ATP13A2: variants seen among roughly 807,000 people sequenced by gnomAD.
ATP13A2 encodes the protein polyamine-transporting ATPase 13A2.
Under a neutral mutation model 138.3 loss-of-function variants are expected in ATP13A2, and 83 were observed. That is an observed-to-expected ratio of 0.60 (90% CI 0.50 to 0.72). The LOEUF is 0.72. Among genes scored for constraint, ATP13A2 ranks in the 30% least tolerant of loss-of-function variants. The pLI is 0.00. For synonymous variants in ATP13A2, 663 were observed against 699.0 expected (o/e 0.95, Z 0.81); for missense variants, 1,402 against 1,606.4 (o/e 0.87, Z 2.17).
intron 8 of ATP13A2, among the ~76,000 whole-genome samples, chr1:17,001,540 G>C (rs898159142): frequency 7.9e-5 from 12 of 152,218 alleles, no homozygotes; most frequent in African/African-American, 2.9e-4. Flanking sequence ...CCCCCGATCA[G>C]AGGGCTGGGA....
chr1:16,996,963 C>T, intron 12 of ATP13A2, 57 bp downstream of exon 12: 1 of 1,580,458 alleles, frequency 6.3e-7, no homozygotes. Flanking sequence ...CTCACTCCAC[C>T]TCTCCCAAGG....
In ATP13A2 at chr1:16,995,564, C is replaced by T. The variant is rs905309998; in HGVS notation, c.1542+412G>A. The T allele has an allele frequency of 2.1e-5, 7 of 333,034 alleles. No individual in the cohort carries two copies. Among genetic ancestry groups the T allele is most frequent in the African/African-American group, 4.3e-5 (2 of 46,316 alleles). 20.6% of individuals were successfully genotyped at this position (333,034 alleles called of 1,614,324 possible). On this transcript the variant is annotated intron_variant, in intron 15 of 28. Transcript: ENST00000326735. The surrounding 1 kb of genome is among the most constrained non-coding windows in gnomAD (Gnocchi z 4.1). ...TGCAACCTCTGCGATTCTCCTGCCT[C>T]AGCCTCCCGAGTAGCTGGGATTACA... is the stretch of plus-strand genomic sequence containing the variant.
intron 6 of ATP13A2, among the ~76,000 whole-genome samples, chr1:17,002,786 G>A (rs2077407758): frequency 6.6e-6 from 1 of 152,116 alleles, no homozygotes; most frequent in Non-Finnish European, 1.5e-5. Context: ...CAAGCCTCGG[G>A]GACTGCTTTG....
intron 8 of ATP13A2, 68 bp from the exon 9 acceptor site, chr1:17,000,602 T>A (rs56228584): frequency 0.033 from 51,818 of 1,575,596 alleles, 989 homozygotes; most frequent in African/African-American, 0.049. Flanking sequence ...AGGCTGGGTC[T>A]CCTGTGCCCA....
At chr1:16,991,608 A>G (rs374321513) in intron 20 of ATP13A2, 126 bp downstream of exon 20, 11 of 1,406,224 alleles carry the variant, frequency 7.8e-6, no homozygotes, top group East Asian at 2.3e-5. Flanking sequence ...GAAATGTTTA[A>G]AAAGGACCTG....
In ATP13A2 at chr1:17,000,429, T is replaced by A. The variant is rs561097876; in HGVS notation, c.811A>T (p.Ile271Phe). The part of the protein sequence containing the change: ...LCIFLISSIS[I>F]CLSLYKTRKQ... ...CTGGTCTTGTACAGCGACAGGCAGATGGAGATGGAGGAAATGAGGAAGATG... is the reference window on the plus strand; with the variant it reads ...CTGGTCTTGTACAGCGACAGGCAGAAGGAGATGGAGGAAATGAGGAAGATG... Residue 271 changes from isoleucine (I) to phenylalanine (F), a missense_variant, in exon 9 of 29, where the codon ATC becomes TTC. Transcript: ENST00000326735. The A allele has an allele frequency of 1.9e-6, 3 of 1,613,644 alleles. No individual in the cohort carries two copies. Among genetic ancestry groups the A allele is most frequent in the Non-Finnish European group, 2.5e-6 (3 of 1,179,852 alleles).
chr1:16,996,211 G>C, intron 14 of ATP13A2, 43 bp downstream of exon 14: 1 of 1,614,110 alleles, frequency 6.2e-7, no homozygotes, highest in South Asian at 1.1e-5. Context: ...GTTGGCCCCT[G>C]GGCCCTGCTG....
intron 23 of ATP13A2, 141 bp from the exon 24 acceptor site, chr1:16,988,615 T>C: frequency 1.4e-6 from 1 of 727,404 alleles, no homozygotes; most frequent in Non-Finnish European, 2.2e-6. Flanking sequence ...TAGATGCAAT[T>C]ATTATTATTA....
At chr1:16,994,461 G>A (rs752793933) in intron 15 of ATP13A2, among the ~76,000 whole-genome samples, 9 of 151,984 alleles carry the variant, frequency 5.9e-5, no homozygotes, top group African/African-American at 4.8e-5. Flanking sequence ...TCGAACTCCC[G>A]ACCTCAGGCA....
At chr1:16,998,468 A>C (rs2077225073) in intron 11 of ATP13A2, among the ~76,000 whole-genome samples, 1 of 152,078 alleles carries the variant, frequency 6.6e-6, no homozygotes, top group South Asian at 2.1e-4. Context: ...TGCCTGCCAA[A>C]GTGTTGGGAT....
intron 25 of ATP13A2, 46 bp downstream of exon 25, chr1:16,988,092 C>T (rs902656860): frequency 4.2e-5 from 65 of 1,563,886 alleles, no homozygotes; most frequent in Non-Finnish European, 5.0e-5. Context: ...GTGTCCCCTC[C>T]CTAGTCCTGG....
At position 16,987,248 on chromosome 1, in the gene ATP13A2, G is replaced by C; in HGVS notation, c.2881C>G (p.Leu961Val). ...LYTINTNLGD[L>V]QFLAIDLVIT... ...ACCAGGTCGATGGCCAGGAACTGCA[G>C]GTCACCCAGGTTGGTGTTGATCTGC... Residue 961 changes from leucine (L) to valine (V), a missense_variant, in exon 26 of 29, where the codon CTG becomes GTG. Transcript: ENST00000326735. 6.2e-7 allele frequency: 1 copy of C among 1,613,820 alleles called. No individual in the cohort carries two copies.
chr1:17,000,569 G>A lies in ATP13A2; in HGVS notation c.706-35C>T, dbSNP rs778140175. The A allele has an allele frequency of 1.7e-5, 28 of 1,605,002 alleles. No individual in the cohort carries two copies. In the South Asian group the frequency reaches 1.9e-4, roughly 11 times the overall value. ...GGGCGGGAGGCAGCGTCAGGGCCGC[G>A]TCCCCCAGGGCAGCCCAGCCACAGG... is the stretch of plus-strand genomic sequence containing the variant. On this transcript the variant is annotated intron_variant, in intron 8 of 28. Coordinates refer to ENST00000326735, the MANE Select transcript of ATP13A2 (RefSeq NM_022089.4).
chr1:16,999,380 C>CAAAA (rs67969184), intron 11 of ATP13A2, among the ~76,000 whole-genome samples: 7 of 56,154 alleles, frequency 1.2e-4, no homozygotes, highest in East Asian at 1.2e-3. Context: ...AACTCCATCT[C>CAAAA]AAAAAAAAAA....
In ATP13A2 at chr1:16,986,263, G is replaced by C. The variant is rs781135190; in HGVS notation, c.3501C>G (p.Ala1167=). The change falls in exon 29 of 29, where the codon GCC becomes GCG. Residue 1167 remains alanine, a synonymous_variant. Transcript: ENST00000326735. This position sits in a 1 kb window ranked among gnomAD's most constrained non-coding sequence, Gnocchi z 6.9. ...KRFKQLEREL[A]EQPWPPLPAG... is the part of the protein sequence containing the mutation. ...CGGGCAGCGGCGGCCAGGGCTGCTC[G>C]GCCAGCTCTCGTTCCAGCTGCTTGA... The C allele has an allele frequency of 2.5e-6, 4 of 1,607,630 alleles. No homozygotes were observed. The highest frequency in any genetic ancestry group is 1.1e-5 in the South Asian group (1 of 89,936).
rs1370512299 is a variant in ATP13A2, at chr1:17,005,364, T to G, written c.288+10A>C. 1 of 1,588,820 alleles carries G rather than the reference T, an allele frequency of 6.3e-7. No homozygotes were observed. Among genetic ancestry groups the G allele is most frequent in the Non-Finnish European group, 8.6e-7 (1 of 1,167,168 alleles). On this transcript the variant is annotated intron_variant, in intron 3 of 28. Transcript: ENST00000326735. ...CGCTTCTCTAGCCCCAGGCTCAGCC[T>G]GACTCTCACCTCTTTGTCTCTTATT...
chr1:16,986,187 G>C lies in ATP13A2; in HGVS notation c.*34C>G. 6.2e-7 allele frequency: 1 copy of C among 1,612,742 alleles called. No homozygotes were observed. Among genetic ancestry groups the C allele is most frequent in the Non-Finnish European group, 8.5e-7 (1 of 1,179,674 alleles). On this transcript the variant is annotated 3_prime_UTR_variant, in exon 29 of 29. Coordinates refer to ENST00000326735, the MANE Select transcript of ATP13A2 (RefSeq NM_022089.4). The surrounding 1 kb of genome is among the most constrained non-coding windows in gnomAD (Gnocchi z 6.9). ...GTCCAGTTGGTGGCTCAGAGGCAGGGAGTTCCAGTGTCTGGGGTGCCCGTG... is the reference window on the plus strand; with the variant it reads ...GTCCAGTTGGTGGCTCAGAGGCAGGCAGTTCCAGTGTCTGGGGTGCCCGTG...
Position 16,993,009 on chromosome 1 carries a change from G to A in ATP13A2, c.1750-428C>T, listed in dbSNP as rs894445021. On this transcript the variant is annotated intron_variant, in intron 16 of 28. Coordinates refer to ENST00000326735, the MANE Select transcript of ATP13A2 (RefSeq NM_022089.4). ...CGGCTTACTGCAACCTCTGCCTCCC[G>A]GATTCAAATGATTCTCCTGCCCTCA... Among the ~76,000 whole-genome samples the A allele has an allele frequency of 3.9e-5, 6 of 151,956 alleles. No homozygotes were observed. The East Asian group carries it at 5.8e-4, about 15-fold the overall frequency.
intron 15 of ATP13A2, among the ~76,000 whole-genome samples, chr1:16,994,214 ATTTATTTATTTTTATT>A (rs1351983626): frequency 2.8e-5 from 4 of 141,856 alleles, no homozygotes; most frequent in South Asian, 2.2e-4. Context: ...TTATTTATTT[ATTTATTTATTTTTATT>A]TTTATTTATT....
Sources: gnomAD v4.1 joint callset for allele counts (sites outside exome capture counted in the v4.1 genomes callset) on GRCh38, gnomAD v4.1.1 for gene constraint, Gnocchi (gnomAD v3.1) non-coding constraint, MANE v1.5 for transcripts, NCBI Gene and HGNC (gene_info 2026-07-23, HGNC 2026-07-21) for gene names.